Variants in CDH4 observed in about 807,000 individuals in gnomAD.
CDH4 encodes the protein cadherin 4.
A neutral mutation model predicts 86.0 loss-of-function variants in CDH4; 33 were observed. The ratio of observed to expected loss-of-function variants is 0.38; its 90% CI spans 0.29 to 0.51. The LOEUF is 0.51. Among genes scored for constraint, CDH4 ranks in the 20% least tolerant of loss-of-function variants. The pLI is 0.86. For missense variants in CDH4, 1,114 were observed against 1,307.4 expected, an observed-to-expected ratio of 0.85 and a Z score of 2.28; for synonymous variants, 555 against 549.4, an observed-to-expected ratio of 1.01 and a Z score of -0.14.
chr20:61,516,043 C>G lies in CDH4; in HGVS notation c.170-227520C>G, dbSNP rs998539769. 2.0e-5 allele frequency among the ~76,000 whole-genome samples: 3 copies of G among 152,172 alleles called. No individual in the cohort carries two copies. Among genetic ancestry groups the G allele is most frequent in the Admixed American group, 6.5e-5 (1 of 15,284 alleles). On this transcript the variant is annotated intron_variant, in intron 2 of 15. Transcript: ENST00000614565. The surrounding 1 kb of genome is among the most constrained non-coding windows in gnomAD (Gnocchi z 4.0). Reference sequence around the variant, plus strand: ...TTCCCCTGGGCTCTGGAACGCCCCCCCAATACGATTCCACCGCAGGCAGGC... The same window carrying G: ...TTCCCCTGGGCTCTGGAACGCCCCCGCAATACGATTCCACCGCAGGCAGGC...
intron 3 of CDH4, among the ~76,000 whole-genome samples, chr20:61,761,727 A>C (rs1360271815): frequency 6.6e-6 from 1 of 152,168 alleles, no homozygotes; most frequent in Non-Finnish European, 1.5e-5. Flanking sequence ...TTGTTAGTGA[A>C]TAACGCGCAG....
At chr20:61,462,806 C>T (rs184815359) in intron 2 of CDH4, among the ~76,000 whole-genome samples, 2 of 152,314 alleles carry the variant, frequency 1.3e-5, no homozygotes, top group Admixed American at 1.3e-4. Flanking sequence ...ACATCATCCT[C>T]AGTAAAATCC....
intron 8 of CDH4, among the ~76,000 whole-genome samples, chr20:61,907,798 C>T (rs969260691): frequency 4.6e-5 from 7 of 152,160 alleles, no homozygotes; most frequent in Admixed American, 2.6e-4. Context: ...CACTAGACAT[C>T]GGGAGTGGTG....
At chr20:61,601,606 T>C (rs922422828) in intron 2 of CDH4, among the ~76,000 whole-genome samples, 3 of 152,200 alleles carry the variant, frequency 2.0e-5, no homozygotes, top group Non-Finnish European at 4.4e-5. Context: ...CTCCTGTGTG[T>C]GTGCCCACCT....
chr20:61,881,800 T>C (rs1239170916), intron 7 of CDH4, among the ~76,000 whole-genome samples: 2 of 152,134 alleles, frequency 1.3e-5, no homozygotes, highest in Non-Finnish European at 2.9e-5. Context: ...TTAATCGTGG[T>C]CCCCAGAAAA....
chr20:61,541,326 C>T (rs911761227), intron 2 of CDH4, among the ~76,000 whole-genome samples: 1 of 152,230 alleles, frequency 6.6e-6, no homozygotes, highest in African/African-American at 2.4e-5. Context: ...GACGAAGCTC[C>T]TCCTGGGATT....
intron 2 of CDH4, among the ~76,000 whole-genome samples, chr20:61,386,863 A>C (rs2084954200): frequency 1.3e-5 from 2 of 152,214 alleles, no homozygotes; most frequent in South Asian, 4.1e-4. Context: ...TTGGACCTGA[A>C]GGGTGAGGCA....
intron 2 of CDH4, among the ~76,000 whole-genome samples, chr20:61,461,020 G>T (rs1009282994): frequency 2.6e-5 from 4 of 152,162 alleles, no homozygotes; most frequent in Non-Finnish European, 5.9e-5. Flanking sequence ...TGTTTCCAGG[G>T]CCATTACCAG....
At position 61,385,647 on chromosome 20, in the gene CDH4, C is replaced by T. The variant is rs188006727; in HGVS notation, c.169+130710C>T. On this transcript the variant is annotated intron_variant, in intron 2 of 15. Transcript: ENST00000614565. ...GTTCCTGCTCTCCTGCCTCCTCTCC[C>T]GTTATCTTCTGTTGCTGTCCACGCT... 3.7e-3 allele frequency among the ~76,000 whole-genome samples: 568 copies of T among 152,238 alleles called. 5 individuals are homozygous for T. Among genetic ancestry groups the T allele is most frequent in the Non-Finnish European group, 2.8e-3 (190 of 68,016 alleles).
At chr20:61,585,460 A>G (rs1600782820) in intron 2 of CDH4, among the ~76,000 whole-genome samples, 1 of 152,252 alleles carries the variant, frequency 6.6e-6, no homozygotes, top group East Asian at 1.9e-4. Flanking sequence ...GTTTTATAAA[A>G]TGCCTATTAT....
At chr20:61,538,391 A>G (rs1404887564) in intron 2 of CDH4, among the ~76,000 whole-genome samples, 1 of 152,086 alleles carries the variant, frequency 6.6e-6, no homozygotes, top group African/African-American at 2.4e-5. Context: ...TTACTCACAG[A>G]CAGATTTGTT....
rs906412664 is a variant in CDH4 at position 61,811,068 on chromosome 20, C to T, written c.577-33600C>T. On this transcript the variant is annotated intron_variant, in intron 4 of 15. Coordinates refer to ENST00000614565, the MANE Select transcript of CDH4 (RefSeq NM_001794.5). This position sits in a 1 kb window ranked among gnomAD's most constrained non-coding sequence, Gnocchi z 4.4. Reference sequence around the variant, plus strand: ...GCGGTGCTGACTGCCGCATCCTCAGCAGCCGCGCCACATCCTCAGCAGCCC... The same window carrying T: ...GCGGTGCTGACTGCCGCATCCTCAGTAGCCGCGCCACATCCTCAGCAGCCC... 6.6e-6 allele frequency among the ~76,000 whole-genome samples: 1 copy of T among 152,212 alleles called. No individual in the cohort carries two copies. Among genetic ancestry groups the T allele is most frequent in the Non-Finnish European group, 1.5e-5 (1 of 68,038 alleles).
intron 2 of CDH4, among the ~76,000 whole-genome samples, chr20:61,421,944 A>T (rs1411463753): frequency 1.3e-5 from 2 of 152,182 alleles, no homozygotes; most frequent in Non-Finnish European, 2.9e-5. Flanking sequence ...CTCACCACGC[A>T]AGCCTTGAGC....
intron 2 of CDH4, among the ~76,000 whole-genome samples, chr20:61,295,648 T>C (rs1446589168): frequency 1.3e-5 from 2 of 152,028 alleles, no homozygotes; most frequent in African/African-American, 4.8e-5. Flanking sequence ...GAAACAGAGG[T>C]TGTAGAATGT....
intron 2 of CDH4, among the ~76,000 whole-genome samples, chr20:61,360,958 G>A (rs2084780111): frequency 6.6e-6 from 1 of 152,204 alleles, no homozygotes; most frequent in Non-Finnish European, 1.5e-5. Flanking sequence ...GTAGCAGGAG[G>A]AGGGTGGGTG....
Position 61,294,297 on chromosome 20 carries a change from A to G in CDH4, c.169+39360A>G, listed in dbSNP as rs550200591. On this transcript the variant is annotated intron_variant, in intron 2 of 15. Transcript: ENST00000614565. ...GCTGACCTGCTAGAGCCCAAGGCCA[A>G]AGGTCTTTGAGGTGGGTCTGGGGCA... is the stretch of plus-strand genomic sequence containing the variant. Among the ~76,000 whole-genome samples, 5 of 152,264 alleles carry G rather than the reference A, an allele frequency of 3.3e-5. No homozygotes were observed. The East Asian group carries it at 7.8e-4, about 24-fold the overall frequency.
At chr20:61,504,837 C>A (rs540734158) in intron 2 of CDH4, among the ~76,000 whole-genome samples, 2 of 152,206 alleles carry the variant, frequency 1.3e-5, no homozygotes, top group Non-Finnish European at 2.9e-5. Flanking sequence ...AGAAAGCACA[C>A]GCTCCGCTTC....
intron 8 of CDH4, 74 bp downstream of exon 8, chr20:61,895,121 C>CCTCTCTCTCTGCGGCTCTGCCTG: frequency 2.0e-6 from 3 of 1,537,426 alleles, no homozygotes. Context: ...GGCACAGCCT[C>CCTCTCTCTCTGCGGCTCTGCCTG]CTCTCTCTCT....
At chr20:61,777,728 G>C (rs60360405) in intron 4 of CDH4, among the ~76,000 whole-genome samples, 1 of 68,414 alleles carries the variant, frequency 1.5e-5, no homozygotes, top group East Asian at 6.9e-4. Flanking sequence ...GCGTGCACAC[G>C]TGCATACAAA....
Sources: gnomAD v4.1 joint callset for allele counts (sites outside exome capture counted in the v4.1 genomes callset) on GRCh38, gnomAD v4.1.1 for gene constraint, Gnocchi (gnomAD v3.1) non-coding constraint, MANE v1.5 for transcripts, NCBI Gene and HGNC (gene_info 2026-07-23, HGNC 2026-07-21) for gene names.